DAB1: variants seen among roughly 807,000 people sequenced by gnomAD.
DAB1 encodes DAB adaptor protein 1, also known as disabled homolog 1.
DAB1 carries 15 observed loss-of-function variants against 64.6 expected under a neutral mutation model. That is an observed-to-expected ratio of 0.23 (90% CI 0.16 to 0.36). The LOEUF is 0.36. Among genes scored for constraint, DAB1 ranks in the 10% least tolerant of loss-of-function variants. The pLI is 1.00. For synonymous variants in DAB1, 235 were observed against 251.9 expected, an observed-to-expected ratio of 0.93 and a Z score of 0.64; for missense variants, 596 against 706.7, an observed-to-expected ratio of 0.84 and a Z score of 1.78.
At chr1:57,249,792 G>C (rs572813235) in intron 2 of DAB1, among the ~76,000 whole-genome samples, 1 of 152,306 alleles carries the variant, frequency 6.6e-6, no homozygotes, top group African/African-American at 2.4e-5. Context: ...CCCACTGATG[G>C]AGCTTTGTAC....
chr1:58,380,333 C>T (rs749927621), intron 3 of DAB1, among the ~76,000 whole-genome samples: 12 of 152,224 alleles, frequency 7.9e-5, no homozygotes, highest in Non-Finnish European at 1.2e-4. Flanking sequence ...CCTGCCTCCA[C>T]GTAAGACGTG....
chr1:57,698,278 G>A (rs1013856257), intron 6 of DAB1, among the ~76,000 whole-genome samples: 1 of 81,200 alleles, frequency 1.2e-5, no homozygotes, highest in Admixed American at 1.2e-4. Flanking sequence ...TTTTTTTTTT[G>A]TAGAGATGGG....
chr1:58,285,474 AG>A (rs1229036538), intron 4 of DAB1, among the ~76,000 whole-genome samples: 2 of 152,226 alleles, frequency 1.3e-5, no homozygotes, highest in African/African-American at 4.8e-5. Context: ...AGGCAACTTC[AG>A]GATACAAAAT....
chr1:58,440,665 A>G (rs756066804), intron 3 of DAB1, among the ~76,000 whole-genome samples: 1 of 152,236 alleles, frequency 6.6e-6, no homozygotes, highest in Non-Finnish European at 1.5e-5. Flanking sequence ...CACATAGCTA[A>G]TATTTGTTGA....
chr1:57,918,061 C>T (rs867996352), intron 5 of DAB1, among the ~76,000 whole-genome samples: 18 of 133,018 alleles, frequency 1.4e-4, no homozygotes, highest in Middle Eastern at 3.5e-3. Context: ...GAGTGAGACT[C>T]CGTCTCAATA....
At chr1:58,321,926 T>A in intron 4 of DAB1, among the ~76,000 whole-genome samples, 1 of 152,344 alleles carries the variant, frequency 6.6e-6, no homozygotes, top group East Asian at 1.9e-4. Context: ...CCCAGCATGG[T>A]GTTTGAGCTC....
intron 1 of DAB1, among the ~76,000 whole-genome samples, chr1:57,421,333 T>C (rs1684866756): frequency 6.6e-6 from 1 of 152,234 alleles, no homozygotes; most frequent in Non-Finnish European, 1.5e-5. Flanking sequence ...ATTCAGATTT[T>C]ATCGTTGAAT....
At chr1:57,988,359 C>T (rs1256741432) in intron 5 of DAB1, among the ~76,000 whole-genome samples, 1 of 152,214 alleles carries the variant, frequency 6.6e-6, no homozygotes, top group Non-Finnish European at 1.5e-5. Context: ...TGGCAAGTGA[C>T]TTAACCTCTC....
rs930745310 is a variant in DAB1 at position 57,129,673 on chromosome 1, G to A, written c.306+6870C>T. Among the ~76,000 whole-genome samples the A allele has an allele frequency of 7.2e-5, 11 of 152,144 alleles. No individual in the cohort carries two copies. In the South Asian group the frequency reaches 2.1e-3, roughly 29 times the overall value. On this transcript the variant is annotated intron_variant, in intron 4 of 14. Coordinates refer to ENST00000371236, the MANE Select transcript of DAB1 (RefSeq NM_001365792.1). ...ACTTTATAGGGAGATCTCATGGCTC[G>A]CTTCTCTTTGGGTTTCAGATCTCTT...
At chr1:57,157,843 C>A (rs1419296079) in intron 2 of DAB1, among the ~76,000 whole-genome samples, 1 of 152,120 alleles carries the variant, frequency 6.6e-6, no homozygotes, top group Non-Finnish European at 1.5e-5. Context: ...GCATGCCTGT[C>A]CCATTCTCAT....
intron 5 of DAB1, among the ~76,000 whole-genome samples, chr1:57,984,257 AAAG>A (rs1420281755): frequency 9.2e-5 from 13 of 141,962 alleles, no homozygotes; most frequent in Non-Finnish European, 1.8e-4. Context: ...AGAAAGAAAG[AAAG>A]AAAAAAAATT....
intron 2 of DAB1, among the ~76,000 whole-genome samples, chr1:57,198,443 C>T (rs1301468404): frequency 6.6e-6 from 1 of 152,140 alleles, no homozygotes; most frequent in Non-Finnish European, 1.5e-5. Flanking sequence ...ATCCCCCTGC[C>T]CCAAGCCCCA....
At chr1:58,513,314 A>G (rs1646110156) in intron 2 of DAB1, among the ~76,000 whole-genome samples, 1 of 152,174 alleles carries the variant, frequency 6.6e-6, no homozygotes, top group Non-Finnish European at 1.5e-5. Flanking sequence ...CTCCCCAGCC[A>G]TGGAGAACTG....
chr1:58,143,741 A>G (rs1654438488), intron 5 of DAB1, among the ~76,000 whole-genome samples: 1 of 152,218 alleles, frequency 6.6e-6, no homozygotes, highest in Non-Finnish European at 1.5e-5. Context: ...ATTTTCCTCC[A>G]ATAACAGCAT....
At chr1:57,569,278 A>C (rs1226879188) in intron 7 of DAB1, among the ~76,000 whole-genome samples, 1 of 150,544 alleles carries the variant, frequency 6.6e-6, no homozygotes. Flanking sequence ...AAAAAAAGAC[A>C]CATGCACACG....
intron 5 of DAB1, chr1:58,048,649 G>A: frequency 7.9e-7 from 1 of 1,259,472 alleles, no homozygotes; most frequent in South Asian, 1.2e-5. Flanking sequence ...CACAACCAAA[G>A]TTGTCATTCC....
At chr1:58,222,308 CA>C (rs1184223914) in intron 4 of DAB1, among the ~76,000 whole-genome samples, 2 of 152,090 alleles carry the variant, frequency 1.3e-5, no homozygotes, top group Admixed American at 6.5e-5. Context: ...GTAATTTTTA[CA>C]TGACTCTCTC....
At chr1:58,212,475 C>T (rs1229267689) in intron 4 of DAB1, among the ~76,000 whole-genome samples, 1 of 152,142 alleles carries the variant, frequency 6.6e-6, no homozygotes, top group East Asian at 1.9e-4. Flanking sequence ...TTCACATCCT[C>T]AGGTAATTCT....
intron 1 of DAB1, among the ~76,000 whole-genome samples, chr1:57,418,378 G>C (rs115804147): frequency 0.023 from 3,439 of 152,298 alleles, 137 homozygotes; most frequent in African/African-American, 0.078. Flanking sequence ...CAAAGAAAGA[G>C]ATACCTGAAT....
Sources: gnomAD v4.1 joint callset for allele counts (sites outside exome capture counted in the v4.1 genomes callset) on GRCh38, gnomAD v4.1.1 for gene constraint, MANE v1.5 for transcripts, NCBI Gene and HGNC (gene_info 2026-07-23, HGNC 2026-07-21) for gene names.